Variants in CAMK2D observed in about 807,000 individuals in gnomAD.
The protein encoded by CAMK2D is calcium/calmodulin dependent protein kinase II delta.
Under a neutral mutation model 84.0 loss-of-function variants are expected in CAMK2D, and 37 were observed. The observed-to-expected ratio is 0.44, with a 90% CI of 0.34 to 0.58. The LOEUF is 0.58. CAMK2D is among the 20% of genes least tolerant of loss of function. The pLI is 0.02. For synonymous variants in CAMK2D, 202 were observed against 212.5 expected, an observed-to-expected ratio of 0.95 and a Z score of 0.43; for missense variants, 448 against 652.5, an observed-to-expected ratio of 0.69 and a Z score of 3.41.
chr4:113,709,257 G>A (rs2099478227), intron 2 of CAMK2D, among the ~76,000 whole-genome samples: 1 of 151,874 alleles, frequency 6.6e-6, no homozygotes, highest in Non-Finnish European at 1.5e-5. Flanking sequence ...AATTTTACTT[G>A]TAATCCAAAA....
chr4:113,490,423 T>C (rs2097822407), intron 16 of CAMK2D, among the ~76,000 whole-genome samples: 1 of 110,288 alleles, frequency 9.1e-6, no homozygotes, highest in Non-Finnish European at 1.8e-5. Flanking sequence ...TGCTTGTTTT[T>C]CTCAGGTTTG....
At chr4:113,746,646 G>A (rs1030326279) in intron 2 of CAMK2D, among the ~76,000 whole-genome samples, 3 of 151,898 alleles carry the variant, frequency 2.0e-5, no homozygotes, top group African/African-American at 7.3e-5. Context: ...GTCAACCCAA[G>A]GAAATTTTTC....
chr4:113,589,753 T>C (rs1398618336), intron 4 of CAMK2D, among the ~76,000 whole-genome samples: 3 of 152,082 alleles, frequency 2.0e-5, no homozygotes, highest in Non-Finnish European at 4.4e-5. Context: ...TGGGTAGAGG[T>C]CTGAGTAGCA....
chr4:113,717,265 T>C (rs554104986), intron 2 of CAMK2D, among the ~76,000 whole-genome samples: 1 of 152,234 alleles, frequency 6.6e-6, no homozygotes, highest in South Asian at 2.1e-4. Context: ...ATAAAATCAA[T>C]TAGAAACAGT....
intron 2 of CAMK2D, among the ~76,000 whole-genome samples, chr4:113,685,212 G>T (rs1003002990): frequency 6.7e-6 from 1 of 149,330 alleles, no homozygotes; most frequent in East Asian, 2.0e-4. Flanking sequence ...CATTTGAACA[G>T]ATACAAATGA....
At chr4:113,752,728 T>A (rs2099620161) in intron 2 of CAMK2D, among the ~76,000 whole-genome samples, 1 of 152,170 alleles carries the variant, frequency 6.6e-6, no homozygotes, top group South Asian at 2.1e-4. Context: ...AACTCCTCTT[T>A]AACCATTTTC....
At chr4:113,473,221 T>C (rs1414665750) in intron 16 of CAMK2D, among the ~76,000 whole-genome samples, 1 of 152,238 alleles carries the variant, frequency 6.6e-6, no homozygotes. Context: ...CGTGGTTTTA[T>C]TGTCTTTTTC....
At chr4:113,597,145 T>G (rs1186987818) in intron 4 of CAMK2D, among the ~76,000 whole-genome samples, 1 of 152,176 alleles carries the variant, frequency 6.6e-6, no homozygotes, top group Non-Finnish European at 1.5e-5. Context: ...GAATGGTCAA[T>G]GAGCATTCAT....
intron 3 of CAMK2D, among the ~76,000 whole-genome samples, chr4:113,622,156 C>G (rs939517932): frequency 6.6e-6 from 1 of 152,168 alleles, no homozygotes; most frequent in Non-Finnish European, 1.5e-5. Context: ...CCATTACCAA[C>G]AAGGCAGTCA....
At chr4:113,670,643 G>C (rs1037112297) in intron 2 of CAMK2D, among the ~76,000 whole-genome samples, 1 of 151,912 alleles carries the variant, frequency 6.6e-6, no homozygotes, top group Non-Finnish European at 1.5e-5. Context: ...AGGCATAATA[G>C]AGCTAAGTCA....
chr4:113,613,022 G>A (rs958416134), intron 3 of CAMK2D, among the ~76,000 whole-genome samples: 2 of 152,040 alleles, frequency 1.3e-5, no homozygotes, highest in Admixed American at 6.6e-5. Flanking sequence ...AATAGACCAT[G>A]GTCCTTGTAT....
At chr4:113,651,009 C>A (rs953056331) in intron 3 of CAMK2D, among the ~76,000 whole-genome samples, 1 of 152,180 alleles carries the variant, frequency 6.6e-6, no homozygotes, top group Non-Finnish European at 1.5e-5. Context: ...AATAGCCCAT[C>A]ACTAAAAACT....
At chr4:113,604,902 A>T (rs2098970820) in intron 4 of CAMK2D, among the ~76,000 whole-genome samples, 1 of 152,234 alleles carries the variant, frequency 6.6e-6, no homozygotes, top group Non-Finnish European at 1.5e-5. Flanking sequence ...ACTGTGGAAA[A>T]CTGGCATAGT....
At chr4:113,583,781 C>T (rs1285419100) in intron 4 of CAMK2D, among the ~76,000 whole-genome samples, 1 of 152,126 alleles carries the variant, frequency 6.6e-6, no homozygotes, top group East Asian at 1.9e-4. Flanking sequence ...ATTACACACA[C>T]ATGTAATTTT....
At chr4:113,635,854 T>G (rs1163331162) in intron 3 of CAMK2D, among the ~76,000 whole-genome samples, 1 of 152,230 alleles carries the variant, frequency 6.6e-6, no homozygotes, top group Non-Finnish European at 1.5e-5. Context: ...TTTTAGCAAA[T>G]GCAAGTGCAT....
At chr4:113,690,393 G>A (rs2099383828) in intron 2 of CAMK2D, among the ~76,000 whole-genome samples, 1 of 152,036 alleles carries the variant, frequency 6.6e-6, no homozygotes, top group African/African-American at 2.4e-5. Flanking sequence ...GTCCCAGGAT[G>A]TTTAAGGAGG....
intron 3 of CAMK2D, among the ~76,000 whole-genome samples, chr4:113,656,301 T>C (rs756936238): frequency 6.6e-6 from 1 of 152,052 alleles, no homozygotes; most frequent in Non-Finnish European, 1.5e-5. Context: ...ACTCTACAAT[T>C]TGTTGAGCCA....
intron 2 of CAMK2D, among the ~76,000 whole-genome samples, chr4:113,698,718 C>T (rs2099410022): frequency 6.6e-6 from 1 of 152,046 alleles, no homozygotes; most frequent in African/African-American, 2.4e-5. Flanking sequence ...TCTTTCCAAA[C>T]ATATTTTGTG....
chr4:113,743,413 G>A (rs1185238971), intron 2 of CAMK2D, among the ~76,000 whole-genome samples: 1 of 152,190 alleles, frequency 6.6e-6, no homozygotes, highest in Non-Finnish European at 1.5e-5. Context: ...TTCAAGGCCT[G>A]TACCTGCTAA....
Sources: allele counts gnomAD v4.1 joint callset (sites outside exome capture counted in the v4.1 genomes callset), GRCh38; gene constraint gnomAD v4.1.1; transcripts MANE v1.5; gene names NCBI Gene and HGNC (gene_info 2026-07-23, HGNC 2026-07-21).